NLRP5: variants seen among roughly 807,000 people sequenced by gnomAD.
NLRP5 encodes NACHT, LRR and PYD domains-containing protein 5.
NLRP5 carries 93 observed loss-of-function variants against 113.1 expected under a neutral mutation model. The ratio of observed to expected loss-of-function variants is 0.82; its 90% confidence interval spans 0.70 to 0.98. The LOEUF (loss-of-function observed/expected upper bound fraction) is 0.98, where lower values mean the gene tolerates loss of function less well. Ranked by LOEUF, NLRP5 falls within the 50% of genes least tolerant of loss-of-function variation. The probability of loss-of-function intolerance (pLI) is 0.00; values close to 1 mark genes in which losing one functional copy is unlikely to be tolerated. For synonymous variants in NLRP5, 751 were observed against 600.7 expected, an observed-to-expected ratio of 1.25 and a Z score of -3.66; for missense variants, 1,808 against 1,514.3, an observed-to-expected ratio of 1.19 and a Z score of -3.22.
chr19:56,050,141 G>A (rs575359230), intron 11 of NLRP5, among the ~76,000 whole-genome samples: 16 of 152,074 alleles, frequency 1.1e-4, no homozygotes, highest in African/African-American at 3.1e-4. Context: ...TTAGCCAGGC[G>A]TGGTGGTGCA....
At chr19:56,051,154 C>T (rs1302661626) in intron 12 of NLRP5, among the ~76,000 whole-genome samples, 2 of 152,088 alleles carry the variant, frequency 1.3e-5, no homozygotes, top group Non-Finnish European at 2.9e-5. Context: ...TCATAGTAGT[C>T]AGCACTTAAT....
intron 4 of NLRP5, among the ~76,000 whole-genome samples, chr19:56,016,757 G>A (rs917048431): frequency 6.6e-6 from 1 of 152,120 alleles, no homozygotes; most frequent in Non-Finnish European, 1.5e-5. Context: ...CCTCAATGTT[G>A]TAGCAAATGA....
Position 56,033,558 on chromosome 19 carries a change from A to G in NLRP5, c.2464A>G (p.Ile822Val), listed in dbSNP as rs752057788. Reference sequence around the variant, plus strand: ...CCATTGCAGGTTTAGAAATGCACAGATTACCCCTGGTGTGCAGCACCTCTG... The same window carrying G: ...CCATTGCAGGTTTAGAAATGCACAGGTTACCCCTGGTGTGCAGCACCTCTG... Residue 822 changes from isoleucine to valine, a missense_variant, in exon 9 of 15, where the codon ATT (isoleucine) becomes GTT (valine). Ile to Val is a conservative substitution (Grantham distance 29). Transcript: ENST00000390649. 1.2e-6 allele frequency: 2 copies of G among 1,613,454 alleles called. No homozygotes were observed. Among genetic ancestry groups the G allele is most frequent in the South Asian group, 1.1e-5 (1 of 90,978 alleles).
rs944168106 is a variant in NLRP5 at position 56,027,053 on chromosome 19, C to T, written c.820C>T (p.Arg274Trp). The T allele has an allele frequency of 1.2e-5, 19 of 1,554,170 alleles. No homozygotes were observed. Among genetic ancestry groups the T allele is most frequent in the Admixed American group, 3.9e-5 (2 of 51,084 alleles). ...GTTGGCTGGTGCTTTTGATTCAGAC[C>T]GGTGGGGCTTCCGGCCTCGCACGGT... The change falls in exon 7 of 15, where the codon CGG (arginine) becomes TGG (tryptophan). Residue 274 changes from arginine (R) to tryptophan (W), a missense_variant. Transcript: ENST00000390649.
At chr19:56,026,710 C>T (rs550054023) in intron 6 of NLRP5, among the ~76,000 whole-genome samples, 2 of 151,674 alleles carry the variant, frequency 1.3e-5, no homozygotes, top group East Asian at 2.0e-4. Context: ...TCCTGAGTAG[C>T]TGGGGACTAC....
chr19:56,006,268 T>C (rs977729365), intron 2 of NLRP5, among the ~76,000 whole-genome samples: 7 of 151,658 alleles, frequency 4.6e-5, no homozygotes, highest in South Asian at 2.1e-4. Flanking sequence ...CACACCGGGG[T>C]CTGTTGTGGG....
chr19:56,035,621 T>A (rs1291432636), intron 9 of NLRP5, among the ~76,000 whole-genome samples: 2 of 152,262 alleles, frequency 1.3e-5, no homozygotes, highest in African/African-American at 4.8e-5. Context: ...CCTGGAAGTC[T>A]AACGAATTTA....
At chr19:55,999,887 A>T in intron 1 of NLRP5, 1 of 857,642 alleles carries the variant, frequency 1.2e-6, no homozygotes, top group Non-Finnish European at 2.0e-6. Context: ...GTCTGCTGCA[A>T]TGTTATTAGC....
intron 11 of NLRP5, among the ~76,000 whole-genome samples, chr19:56,041,486 C>A (rs1301774845): frequency 6.6e-6 from 1 of 152,102 alleles, no homozygotes; most frequent in Non-Finnish European, 1.5e-5. Context: ...TGTTCAATGA[C>A]TTTTACTTGA....
chr19:56,014,443 G>A (rs1005340862), intron 3 of NLRP5, among the ~76,000 whole-genome samples: 4 of 148,062 alleles, frequency 2.7e-5, no homozygotes, highest in Non-Finnish European at 5.9e-5. Context: ...TCGTGCCATT[G>A]CACTCCAGCC....
rs1344571194 is a variant in NLRP5, at chr19:56,053,677, T to A, written c.3168T>A (p.Ser1056Arg). Residue 1056 changes from serine to arginine, a missense_variant, in exon 13 of 15, where the codon AGT (serine) becomes AGA (arginine). By Grantham distance (110) the Ser-to-Arg change is moderately radical. Coordinates refer to ENST00000390649, the MANE Select transcript of NLRP5 (RefSeq NM_153447.4). ...ATCTCACCGCCGCGTGCTGTGAGAG[T>A]CTGTCCTGTGTGATCTCGAGGAGCA... The A allele has an allele frequency of 1.2e-6, 2 of 1,613,808 alleles. No individual in the cohort carries two copies. The highest frequency in any genetic ancestry group is 3.3e-5 in the Admixed American group (2 of 59,976).
chr19:56,050,272 T>G, intron 11 of NLRP5, 146 bp from the exon 12 acceptor site: 1 of 594,382 alleles, frequency 1.7e-6, no homozygotes, highest in Non-Finnish European at 2.7e-6. Context: ...AGAGCAAGAC[T>G]CCTCAAAAAA....
chr19:56,048,352 G>A (rs1159101341), intron 11 of NLRP5, among the ~76,000 whole-genome samples: 2 of 152,098 alleles, frequency 1.3e-5, no homozygotes, highest in African/African-American at 4.8e-5. Context: ...CTTTAAAGAG[G>A]TTCTGTTTTG....
intron 3 of NLRP5, among the ~76,000 whole-genome samples, chr19:56,011,192 A>G (rs1276709884): frequency 1.3e-5 from 2 of 150,140 alleles, no homozygotes; most frequent in East Asian, 3.9e-4. Context: ...TGTATGCTAC[A>G]AGATGGATGG....
chr19:56,043,289 T>C (rs968884061), intron 11 of NLRP5, among the ~76,000 whole-genome samples: 1 of 152,170 alleles, frequency 6.6e-6, no homozygotes, highest in African/African-American at 2.4e-5. Context: ...ATGTTTTGAT[T>C]ATGGCCATTC....
In NLRP5 at chr19:56,038,147, C is replaced by A. The variant is rs781656387; in HGVS notation, c.2738C>A (p.Pro913His). ...AAGGTGACAGACCAGGGAGTAATGC[C>A]TCTCAGTGATGCCTTGAGAGTCTCC... Residue 913 changes from proline (P) to histidine (H), a missense_variant, in exon 10 of 15, where the codon CCT (proline) becomes CAT (histidine). Transcript: ENST00000390649. 15 of 1,613,850 alleles carry A rather than the reference C, an allele frequency of 9.3e-6. No homozygotes were observed. Among genetic ancestry groups the A allele is most frequent in the Non-Finnish European group, 1.2e-5 (14 of 1,179,874 alleles).
At chr19:56,036,605 T>C (rs1224738704) in intron 9 of NLRP5, among the ~76,000 whole-genome samples, 2 of 152,174 alleles carry the variant, frequency 1.3e-5, no homozygotes, top group Admixed American at 1.3e-4. Context: ...AAGAATGATG[T>C]GTGCACACAC....
Position 56,051,800 on chromosome 19 carries a change from C to A in NLRP5, c.3128+1212C>A, listed in dbSNP as rs79774290. 4.4e-3 allele frequency among the ~76,000 whole-genome samples: 673 copies of A among 152,228 alleles called. 3 individuals carry two copies. The highest frequency in any genetic ancestry group is 0.015 in the African/African-American group (623 of 41,526). On this transcript the variant is annotated intron_variant, in intron 12 of 14. Transcript: ENST00000390649. ...TGAGCATAAATGATTTCATTCCAAA[C>A]GCTTGTATGCTTGGTAGCATTTGCT...
At chr19:56,034,302 C>G (rs560588957) in intron 9 of NLRP5, among the ~76,000 whole-genome samples, 30 of 152,206 alleles carry the variant, frequency 2.0e-4, no homozygotes, top group Non-Finnish European at 3.4e-4. Context: ...AGGAGAATCT[C>G]TTGAACCCGG....
Sources: allele counts gnomAD v4.1 joint callset (sites outside exome capture counted in the v4.1 genomes callset), GRCh38; gene constraint gnomAD v4.1.1; transcripts MANE v1.5; gene names NCBI Gene and HGNC (gene_info 2026-07-23, HGNC 2026-07-21).